The following SRP54 variants were observed in gnomAD, a reference collection of about 807,000 sequenced individuals.
The protein encoded by SRP54 is signal recognition particle 54.
In SRP54, 10 loss-of-function variants were observed where a neutral mutation model predicts 64.8. The ratio of observed to expected loss-of-function variants is 0.15; its 90% CI spans 0.10 to 0.26. SRP54 has a LOEUF of 0.26. Among genes scored for constraint, SRP54 ranks in the 10% least tolerant of loss-of-function variants. The probability of loss-of-function intolerance (pLI) is 1.00; values close to 1 mark genes in which losing one functional copy is unlikely to be tolerated. For synonymous variants in SRP54, 193 were observed against 185.6 expected (o/e 1.04, Z -0.32); for missense variants, 325 against 613.7 (o/e 0.53, Z 4.97).
chr14:35,011,092 GTTT>G (rs774135661), intron 7 of SRP54, among the ~76,000 whole-genome samples: 1 of 145,582 alleles, frequency 6.9e-6, no homozygotes, highest in African/African-American at 2.5e-5. Flanking sequence ...ATGCCAGCTA[GTTT>G]TTTTTTTTTG....
intron 13 of SRP54, 100 bp from the exon 14 acceptor site, chr14:35,022,810 C>T (rs2044555701): frequency 1.1e-6 from 1 of 912,626 alleles, no homozygotes; most frequent in Non-Finnish European, 1.5e-6. Flanking sequence ...ACTTTAAAAA[C>T]ATCTGCTAAG....
At chr14:35,007,687 A>ATATTAT (rs2044285400) in intron 5 of SRP54, among the ~76,000 whole-genome samples, 20 of 125,010 alleles carry the variant, frequency 1.6e-4, no homozygotes, top group Admixed American at 2.4e-4. Flanking sequence ...AAATATATTT[A>ATATTAT]CATAAAATAG....
Position 35,008,766 on chromosome 14 carries a change from T to C in SRP54, c.428-8T>C. 1 of 1,608,560 alleles carries C rather than the reference T, an allele frequency of 6.2e-7. No homozygotes were observed. Among genetic ancestry groups the C allele is most frequent in the South Asian group, 1.1e-5 (1 of 89,932 alleles). ...AGTTTGAGGATTCATGAACTCTTTA[T>C]CTTCCAGGGGCTTTTGACCAACTAA... On this transcript the variant is annotated splice_region_variant and splice_polypyrimidine_tract_variant and intron_variant, in intron 6 of 15. Coordinates refer to ENST00000216774, the MANE Select transcript of SRP54 (RefSeq NM_003136.4).
At position 34,999,629 on chromosome 14, in the gene SRP54, G is replaced by A; in HGVS notation, c.150G>A (p.Lys50=). ...LEADVNIKLV[K]QLRENVKSAI... ...CAGATGTTAATATTAAACTAGTGAA[G>A]CAACTAAGAGAAAATGTTAAGTAAG... Residue 50 remains lysine, a synonymous_variant, in exon 3 of 16, where the codon AAG becomes AAA. Coordinates refer to ENST00000216774, the MANE Select transcript of SRP54 (RefSeq NM_003136.4). 2 of 1,612,378 alleles carry A rather than the reference G, an allele frequency of 1.2e-6. No homozygotes were observed. The highest frequency in any genetic ancestry group is 1.7e-6 in the Non-Finnish European group (2 of 1,178,706).
intron 1 of SRP54, among the ~76,000 whole-genome samples, chr14:34,984,389 C>T (rs1442927453): frequency 6.6e-6 from 1 of 152,198 alleles, no homozygotes; most frequent in East Asian, 1.9e-4. Flanking sequence ...AGTTGGCCCT[C>T]AGTCATTGCT....
chr14:34,987,929 G>C (rs1305592762), intron 1 of SRP54, among the ~76,000 whole-genome samples: 2 of 152,102 alleles, frequency 1.3e-5, no homozygotes, highest in Admixed American at 1.3e-4. Context: ...TTTTACAAAA[G>C]AATTTTCCTA....
intron 13 of SRP54, among the ~76,000 whole-genome samples, chr14:35,021,451 G>A (rs758324807): frequency 6.6e-5 from 10 of 152,080 alleles, no homozygotes; most frequent in Non-Finnish European, 1.3e-4. Flanking sequence ...GCAACATGGT[G>A]AAACCCTGTC....
At chr14:34,987,014 C>T (rs1402807320) in intron 1 of SRP54, among the ~76,000 whole-genome samples, 1 of 151,730 alleles carries the variant, frequency 6.6e-6, no homozygotes, top group Non-Finnish European at 1.5e-5. Context: ...AGGCAGATCA[C>T]AAGGTCAGGA....
Position 35,028,198 on chromosome 14 carries a change from G to T in SRP54, c.1423+15G>T. 6.5e-7 allele frequency: 1 copy of T among 1,532,836 alleles called. No homozygotes were observed. The allele number at this position is 1,532,836 out of a possible 1,614,324, so 95.0% of individuals were successfully genotyped here. ...TCATCACATGGGTAAATACCAAGTT[G>T]TTGGCAGTTGCTAATGCAGTTTAAT... is the stretch of plus-strand genomic sequence containing the variant. On this transcript the variant is annotated intron_variant, in intron 15 of 15. Transcript: ENST00000216774.
In SRP54 at chr14:35,021,358, G is replaced by A. The variant is rs1228625591; in HGVS notation, c.1157-1552G>A. Among the ~76,000 whole-genome samples, 28 of 152,100 alleles carry A rather than the reference G, an allele frequency of 1.8e-4. 1 individual carries two copies. The highest frequency in any genetic ancestry group is 1.4e-3 in the Admixed American group (22 of 15,258). On this transcript the variant is annotated intron_variant, in intron 13 of 15. Transcript: ENST00000216774. ...ATGCATTTGAAAGCTGGCCAGGTGC[G>A]GTGGCTCTCAACTGTAATCCCAGCA...
chr14:34,996,078 AAAG>A (rs2044068623), intron 1 of SRP54, among the ~76,000 whole-genome samples: 1 of 151,986 alleles, frequency 6.6e-6, no homozygotes, highest in African/African-American at 2.4e-5. Context: ...AAAAAAAAAA[AAAG>A]AGTAAAATAA....
chr14:35,018,892 C>T, intron 12 of SRP54, 74 bp from the exon 13 acceptor site: 1 of 1,440,596 alleles, frequency 6.9e-7, no homozygotes, highest in Admixed American at 1.8e-5. Context: ...AATATTAAAC[C>T]TAATAGTTAA....
At chr14:35,016,840 C>CT (rs145307640) in intron 11 of SRP54, among the ~76,000 whole-genome samples, 4,057 of 71,668 alleles carry the variant, frequency 0.057, 150 homozygotes, top group South Asian at 0.11. Context: ...CCTTTTTTTT[C>CT]TTTTCTTTTT....
At chr14:35,012,083 G>A (rs913404735) in intron 8 of SRP54, among the ~76,000 whole-genome samples, 12 of 151,950 alleles carry the variant, frequency 7.9e-5, no homozygotes, top group African/African-American at 2.9e-4. Context: ...TGGGCATGGT[G>A]GTGGGTGCCT....
intron 13 of SRP54, among the ~76,000 whole-genome samples, chr14:35,020,440 A>G (rs2044510526): frequency 6.6e-6 from 1 of 152,198 alleles, no homozygotes; most frequent in African/African-American, 2.4e-5. Context: ...GTTCGATAGC[A>G]TTTTACCCAC....
At chr14:35,024,610 CT>C (rs1217322279) in intron 14 of SRP54, among the ~76,000 whole-genome samples, 2 of 148,794 alleles carry the variant, frequency 1.3e-5, no homozygotes, top group Admixed American at 1.3e-4. Flanking sequence ...GCCAGCCTAT[CT>C]TTTTTTATTT....
chr14:35,001,394 G>T (rs750060256), intron 4 of SRP54, among the ~76,000 whole-genome samples: 1 of 151,942 alleles, frequency 6.6e-6, no homozygotes, highest in East Asian at 1.9e-4. Flanking sequence ...CAGGCGATCC[G>T]CCCGCTTCGG....
chr14:35,018,653 A>C (rs775567289), intron 11 of SRP54, 39 bp from the exon 12 acceptor site: 2 of 1,514,354 alleles, frequency 1.3e-6, no homozygotes, highest in Non-Finnish European at 1.8e-6. Context: ...GGAAATGTAC[A>C]TACTTTAATA....
At chr14:35,001,421 G>A (rs1374782107) in intron 4 of SRP54, among the ~76,000 whole-genome samples, 1 of 152,122 alleles carries the variant, frequency 6.6e-6, no homozygotes, top group Non-Finnish European at 1.5e-5. Context: ...AAAGTGCTGG[G>A]ATTATAGGTG....
Sources: gnomAD v4.1 joint callset for allele counts (sites outside exome capture counted in the v4.1 genomes callset) on GRCh38, gnomAD v4.1.1 for gene constraint, MANE v1.5 for transcripts, NCBI Gene and HGNC (gene_info 2026-07-23, HGNC 2026-07-21) for gene names.